Variants in REV1 observed in about 807,000 individuals in gnomAD.
REV1 encodes the protein REV1 DNA directed polymerase, also known as translesion synthesis protein REV1.
Under a neutral mutation model 137.4 loss-of-function variants are expected in REV1, and 42 were observed. The observed-to-expected ratio is 0.31, with a 90% confidence interval of 0.24 to 0.40. REV1 has a LOEUF of 0.40. REV1 is among the 10% of genes least tolerant of loss of function. REV1 has a pLI of 1.00. For missense variants in REV1, 1,282 were observed against 1,490.1 expected (o/e 0.86, Z 2.30); for synonymous variants, 524 against 519.2 (o/e 1.01, Z -0.12).
At chr2:99,416,107 A>G (rs559837118) in intron 12 of REV1, among the ~76,000 whole-genome samples, 14 of 152,252 alleles carry the variant, frequency 9.2e-5, no homozygotes, top group Non-Finnish European at 1.8e-4. Context: ...TTATGGGTAC[A>G]AGGGACTAAA....
intron 4 of REV1, among the ~76,000 whole-genome samples, chr2:99,448,016 T>G (rs2104933390): frequency 6.6e-6 from 1 of 152,320 alleles, no homozygotes; most frequent in East Asian, 1.9e-4. Flanking sequence ...TTTCTAAAAT[T>G]ATACCAGGTT....
chr2:99,474,364 T>A (rs1057113143), intron 1 of REV1, among the ~76,000 whole-genome samples: 2 of 152,220 alleles, frequency 1.3e-5, no homozygotes, highest in Non-Finnish European at 2.9e-5. Context: ...CATACTCATC[T>A]TCTACAAAAT....
chr2:99,445,725 T>A (rs958433499), intron 4 of REV1, among the ~76,000 whole-genome samples: 1 of 152,306 alleles, frequency 6.6e-6, no homozygotes. Context: ...AACAAAGGTT[T>A]TAGTAAAATA....
chr2:99,425,999 A>G (rs1288994515), intron 9 of REV1, among the ~76,000 whole-genome samples: 5 of 139,622 alleles, frequency 3.6e-5, no homozygotes, highest in South Asian at 2.3e-4. Flanking sequence ...TCGCGCCATT[A>G]CACTCCAGCC....
intron 9 of REV1, among the ~76,000 whole-genome samples, chr2:99,428,952 A>G (rs909921560): frequency 2.0e-5 from 3 of 149,934 alleles, no homozygotes; most frequent in Admixed American, 6.7e-5. Context: ...AGATGGTGCC[A>G]CTGCACTCCA....
At chr2:99,479,339 A>C (rs898012954) in intron 1 of REV1, among the ~76,000 whole-genome samples, 18 of 151,508 alleles carry the variant, frequency 1.2e-4, no homozygotes, top group South Asian at 2.1e-4. Flanking sequence ...AAAAAAAAAA[A>C]AAAAACAAAA....
chr2:99,428,816 T>C (rs1049899966), intron 9 of REV1, among the ~76,000 whole-genome samples: 3 of 151,946 alleles, frequency 2.0e-5, no homozygotes, highest in Non-Finnish European at 4.4e-5. Context: ...GGTGAAATCC[T>C]GCCTCTACTA....
intron 3 of REV1, among the ~76,000 whole-genome samples, chr2:99,450,564 G>A (rs890131168): frequency 1.3e-5 from 2 of 152,180 alleles, no homozygotes; most frequent in African/African-American, 4.8e-5. Context: ...AGCACATACA[G>A]ACATACCAGG....
In REV1 at chr2:99,410,800, C is replaced by A; in HGVS notation, c.2240G>T (p.Gly747Val). ...EEIQRRLEATGMKGKRLTLKI... is the reference protein window; with the variant it reads ...EEIQRRLEATVMKGKRLTLKI... ...GAGAGTTAGACGTTTACCCTTCATGCCAGTGGCTTCTAGTCTTCTTTGAAT... is the reference window on the plus strand; with the variant it reads ...GAGAGTTAGACGTTTACCCTTCATGACAGTGGCTTCTAGTCTTCTTTGAAT... The change falls in exon 14 of 23, where the codon GGC (glycine) becomes GTC (valine). Residue 747 changes from glycine (G) to valine (V), a missense_variant. This residue lies in a region of REV1 where 372 missense variants were observed against 482.3 expected (regional missense o/e 0.77). Coordinates refer to ENST00000258428, the MANE Select transcript of REV1 (RefSeq NM_016316.4). 3.7e-6 allele frequency: 6 copies of A among 1,611,578 alleles called. No homozygotes were observed. Among genetic ancestry groups the A allele is most frequent in the Non-Finnish European group, 5.1e-6 (6 of 1,179,304 alleles).
intron 1 of REV1, among the ~76,000 whole-genome samples, chr2:99,469,797 T>C (rs562411400): frequency 2.0e-5 from 3 of 152,308 alleles, no homozygotes; most frequent in Non-Finnish European, 4.4e-5. Flanking sequence ...TAGTTATTGG[T>C]AGATTTTACT....
chr2:99,414,596 A>G (rs1474361385), intron 12 of REV1, among the ~76,000 whole-genome samples: 1 of 152,252 alleles, frequency 6.6e-6, no homozygotes, highest in Non-Finnish European at 1.5e-5. Flanking sequence ...TCAAAGGTAG[A>G]CACTTTGCAC....
At chr2:99,464,376 G>A (rs1346392464) in intron 2 of REV1, among the ~76,000 whole-genome samples, 1 of 152,084 alleles carries the variant, frequency 6.6e-6, no homozygotes, top group Non-Finnish European at 1.5e-5. Flanking sequence ...GAAAATACAG[G>A]AAATATGGGG....
intron 8 of REV1, among the ~76,000 whole-genome samples, chr2:99,431,518 A>G (rs1280660819): frequency 6.6e-6 from 1 of 151,676 alleles, no homozygotes; most frequent in East Asian, 1.9e-4. Context: ...AAGCTTGAAC[A>G]GCCACAACCA....
chr2:99,433,864 G>C (rs1467365463), intron 8 of REV1, among the ~76,000 whole-genome samples: 1 of 152,174 alleles, frequency 6.6e-6, no homozygotes, highest in African/African-American at 2.4e-5. Flanking sequence ...AAAGTCAAGA[G>C]AGGCAACAAG....
At chr2:99,444,703 T>A (rs1054559590) in intron 4 of REV1, among the ~76,000 whole-genome samples, 1 of 152,204 alleles carries the variant, frequency 6.6e-6, no homozygotes, top group East Asian at 1.9e-4. Context: ...TAAACCACTA[T>A]CTATCAGTTG....
At chr2:99,490,085 C>CCGGCCCCGCCCACGCCACCTCCG (rs555877839), upstream of REV1, 1 of 144,548 alleles carries the variant, frequency 6.9e-6, no homozygotes, top group African/African-American at 2.6e-5. Context: ...CGCGCGCTCC[C>CCGGCCCCGCCCACGCCACCTCCG]CGGCCCCGCT....
chr2:99,427,690 C>A (rs2104680795), intron 9 of REV1, among the ~76,000 whole-genome samples: 1 of 152,246 alleles, frequency 6.6e-6, no homozygotes, highest in Middle Eastern at 3.4e-3. Context: ...TATCCAGAAA[C>A]TATTTTCTAG....
chr2:99,403,211 G>C, intron 19 of REV1, 105 bp from the exon 20 acceptor site: 1 of 905,298 alleles, frequency 1.1e-6, no homozygotes. Context: ...AGGCTCCCTA[G>C]CCTACACCTC....
chr2:99,441,859 C>G (rs1480808004), intron 5 of REV1, among the ~76,000 whole-genome samples: 1 of 152,148 alleles, frequency 6.6e-6, no homozygotes, highest in African/African-American at 2.4e-5. Context: ...ATAAGACACT[C>G]ATACACACAT....
Sources: allele counts gnomAD v4.1 joint callset (sites outside exome capture counted in the v4.1 genomes callset), GRCh38; gene constraint gnomAD v4.1.1; regional missense constraint gnomAD v4.1.1; transcripts MANE v1.5; gene names NCBI Gene and HGNC (gene_info 2026-07-23, HGNC 2026-07-21).